ATPAF2: variants seen among roughly 807,000 people sequenced by gnomAD.
ATPAF2 encodes the protein ATP12 homolog.
In ATPAF2, 30 loss-of-function variants were observed where a neutral mutation model predicts 36.6. That is an observed-to-expected ratio of 0.82 (90% confidence interval 0.61 to 1.11). The LOEUF (loss-of-function observed/expected upper bound fraction) is 1.11, where lower values mean the gene tolerates loss of function less well. Ranked by LOEUF, ATPAF2 falls within the 50% of genes most tolerant of loss-of-function variation. ATPAF2 has a pLI of 0.00. For missense variants in ATPAF2, 321 were observed against 372.3 expected (o/e 0.86, Z 1.13); for synonymous variants, 140 against 152.6 (o/e 0.92, Z 0.61).
chr17:18,027,550 C>T (rs548296515), intron 3 of ATPAF2, among the ~76,000 whole-genome samples: 3 of 152,272 alleles, frequency 2.0e-5, no homozygotes, highest in Admixed American at 1.3e-4. Flanking sequence ...CATCTTTAAT[C>T]GGTGGGGAAT....
At position 18,024,685 on chromosome 17, in the gene ATPAF2, C is replaced by T. The variant is rs777247426; in HGVS notation, c.442G>A (p.Glu148Lys). ...TTCCTTTGAAGTTCCACTAATGTCT[C>T]GGGCTCCTCCACCCTGTAGCTAATT... is the stretch of plus-strand genomic sequence containing the variant. ...DTICYRVEEP[E>K]TLVELQRNEW... The change falls in exon 5 of 8, where the codon GAG becomes AAG. Residue 148 changes from glutamate to lysine, a missense_variant. Coordinates refer to ENST00000474627, the MANE Select transcript of ATPAF2 (RefSeq NM_145691.4). 3.7e-6 allele frequency: 6 copies of T among 1,613,820 alleles called. No homozygotes were observed. Among genetic ancestry groups the T allele is most frequent in the African/African-American group, 2.7e-5 (2 of 74,896 alleles).
At position 18,037,293 on chromosome 17, in the gene ATPAF2, A is replaced by G. The variant is rs546385755; in HGVS notation, c.133+1588T>C. ...ATCCAGCCCCCTTCCCCATTTCTAT[A>G]AAGTTATAGAACTTGGCTGGGCGCG... On this transcript the variant is annotated intron_variant, in intron 1 of 7. Transcript: ENST00000474627. 2.0e-5 allele frequency among the ~76,000 whole-genome samples: 3 copies of G among 151,950 alleles called. No homozygotes were observed. In the South Asian group the frequency reaches 6.2e-4, roughly 32 times the overall value.
chr17:18,024,278 A>G (rs114520485), intron 5 of ATPAF2, among the ~76,000 whole-genome samples: 168 of 152,334 alleles, frequency 1.1e-3, no homozygotes, highest in African/African-American at 3.7e-3. Context: ...CACACAGCTG[A>G]GTCTTCAGCA....
At position 18,039,167 on chromosome 17, in the gene ATPAF2, A is replaced by G. The variant is rs1048768948; in HGVS notation, c.-154T>C. ...TCCCTTGGACGCCGCCATCTTCCGC[A>G]TGACACCTACGGCGCGCCGTCGCCG... On this transcript the variant is annotated 5_prime_UTR_variant, in exon 1 of 8. The change abolishes an upstream ATG in the 5' untranslated region. Transcript: ENST00000474627. This position sits in a 1 kb window ranked among gnomAD's most constrained non-coding sequence, Gnocchi z 5.3. The G allele has an allele frequency of 4.4e-6, 5 of 1,133,840 alleles. No homozygotes were observed. Among genetic ancestry groups the G allele is most frequent in the South Asian group, 1.3e-5 (1 of 74,094 alleles). 70.2% of individuals were successfully genotyped at this position (1,133,840 alleles called of 1,614,324 possible). A position where few individuals can be genotyped will look rare whatever the true frequency, so the allele number is the denominator to read the frequency against.
chr17:18,026,369 CTTGT>C lies in ATPAF2; in HGVS notation c.368_371del (p.Asn123ArgfsTer4). 1 of 1,614,236 alleles carries C rather than the reference CTTGT, an allele frequency of 6.2e-7. No homozygotes were observed. Among genetic ancestry groups the C allele is most frequent in the Non-Finnish European group, 8.5e-7 (1 of 1,180,038 alleles). ...TCACGGCTGCCCGGATCAGCTGATCCTTGTTTCTCTGGGTTGGGTTGTCCAATGA... is the reference window on the plus strand; with the variant it reads ...TCACGGCTGCCCGGATCAGCTGATCCTTCTCTGGGTTGGGTTGTCCAATGA... On this transcript the variant is annotated frameshift_variant, in exon 4 of 8. Transcript: ENST00000474627. LOFTEE classifies it high-confidence loss of function.
chr17:18,019,904 G>A (rs2044444703), intron 7 of ATPAF2, among the ~76,000 whole-genome samples: 3 of 152,208 alleles, frequency 2.0e-5, no homozygotes, highest in African/African-American at 7.2e-5. Context: ...ATGATGGCCT[G>A]GCTTGGGTCC....
intron 7 of ATPAF2, among the ~76,000 whole-genome samples, chr17:18,019,187 C>CACACACACACACACACA (rs1256217214): frequency 3.5e-4 from 14 of 40,458 alleles, no homozygotes; most frequent in East Asian, 1.9e-3. Context: ...ACACACACAC[C>CACACACACACACACACA]CCACCACCCC....
At chr17:18,029,862 T>G (rs959112880) in intron 1 of ATPAF2, among the ~76,000 whole-genome samples, 2 of 104,418 alleles carry the variant, frequency 1.9e-5, no homozygotes, top group Middle Eastern at 8.5e-3. Flanking sequence ...CCCGGCCAAA[T>G]AGTTTGCCTT....
At chr17:18,026,085 C>A (rs1335989170) in intron 4 of ATPAF2, 3 of 607,026 alleles carry the variant, frequency 4.9e-6, no homozygotes, top group Non-Finnish European at 8.9e-6. Flanking sequence ...CCCTCCCAGC[C>A]TAAGGAGCAG....
downstream of ATPAF2, among the ~76,000 whole-genome samples, chr17:18,017,178 A>C (rs866886794): frequency 3.5e-3 from 408 of 114,984 alleles, 1 homozygote; most frequent in African/African-American, 0.016. Context: ...TCTCAAAAAA[A>C]AAAAAAAAAA....
chr17:18,038,166 G>A (rs1269097896), intron 1 of ATPAF2, among the ~76,000 whole-genome samples: 1 of 152,164 alleles, frequency 6.6e-6, no homozygotes, highest in African/African-American at 2.4e-5. Flanking sequence ...CGTGCCTCCT[G>A]CCTCCAGCAC....
At chr17:18,027,967 G>A in intron 3 of ATPAF2, 1 of 515,030 alleles carries the variant, frequency 1.9e-6, no homozygotes, top group Non-Finnish European at 3.5e-6. Context: ...TAAGAGAGCT[G>A]GGCAGTCAAT....
chr17:18,024,662 C>A lies in ATPAF2; in HGVS notation c.465G>T (p.Arg155Ser), dbSNP rs749028317. Residue 155 changes from arginine (R) to serine (S), a missense_variant, in exon 5 of 8, where the codon AGG (arginine) becomes AGT (serine). Physicochemically the swap from Arg to Ser is moderately radical, Grantham distance 110 (BLOSUM62 -1). Coordinates refer to ENST00000474627, the MANE Select transcript of ATPAF2 (RefSeq NM_145691.4). ...ATTCGATGATTGGATCCCACTCATT[C>A]CTTTGAAGTTCCACTAATGTCTCGG... is the stretch of plus-strand genomic sequence containing the variant. ...EEPETLVELQRNEWDPIIEWA... is the reference protein window; with the variant it reads ...EEPETLVELQSNEWDPIIEWA... 1 of 1,613,976 alleles carries A rather than the reference C, an allele frequency of 6.2e-7. No individual in the cohort carries two copies. Among genetic ancestry groups the A allele is most frequent in the Non-Finnish European group, 8.5e-7 (1 of 1,180,012 alleles).
chr17:18,028,906 C>T (rs1466284741), intron 1 of ATPAF2, among the ~76,000 whole-genome samples: 3 of 152,150 alleles, frequency 2.0e-5, no homozygotes, highest in East Asian at 1.9e-4. Flanking sequence ...CTGCCAGCCC[C>T]GCAGCCTGGG....
Position 18,018,630 on chromosome 17 carries a change from C to G in ATPAF2, c.789G>C (p.Arg263=), listed in dbSNP as rs1448647270. The change falls in exon 8 of 8, where the codon CGG becomes CGC. Residue 263 remains arginine, a synonymous_variant. Transcript: ENST00000474627. ...WAHDYELQEL[R]ARTAAGTLFI... Reference sequence around the variant, plus strand: ...AGAGGGTGCCGGCGGCGGTGCGGGCCCGCAGCTCCTGCAGCTCATAGTCAT... The same window carrying G: ...AGAGGGTGCCGGCGGCGGTGCGGGCGCGCAGCTCCTGCAGCTCATAGTCAT... The G allele has an allele frequency of 1.9e-6, 3 of 1,613,942 alleles. No homozygotes were observed. Among genetic ancestry groups the G allele is most frequent in the African/African-American group, 2.7e-5 (2 of 74,928 alleles).
downstream of ATPAF2, chr17:18,016,868 ACT>A (rs2044383120): frequency 2.5e-6 from 1 of 398,486 alleles, no homozygotes; most frequent in African/African-American, 2.8e-5. Context: ...CATTTCCCCT[ACT>A]CATAAAAAAA....
chr17:18,035,484 T>C (rs2044690602), intron 1 of ATPAF2, among the ~76,000 whole-genome samples: 1 of 152,202 alleles, frequency 6.6e-6, no homozygotes, highest in Non-Finnish European at 1.5e-5. Context: ...ATTCTGTAAA[T>C]ATACTAAAAA....
At position 18,026,386 on chromosome 17, in the gene ATPAF2, GGTT is replaced by G. The variant is rs2044546041; in HGVS notation, c.352_354del (p.Asn118del). The G allele has an allele frequency of 6.2e-7, 1 of 1,614,212 alleles. No homozygotes were observed. The highest frequency in any genetic ancestry group is 2.2e-5 in the East Asian group (1 of 44,886). On this transcript the variant is annotated inframe_deletion, in exon 4 of 8. Transcript: ENST00000474627. ...AGCTGATCCTTGTTTCTCTGGGTTGGGTTGTCCAATGATGTGTTGCACAATGTG... is the reference window on the plus strand; with the variant it reads ...AGCTGATCCTTGTTTCTCTGGGTTGGGTCCAATGATGTGTTGCACAATGTG...
At chr17:18,016,301 G>A, downstream of ATPAF2, 7 of 1,251,742 alleles carry the variant, frequency 5.6e-6, no homozygotes, top group Non-Finnish European at 8.0e-6. Context: ...ATGAAATGAA[G>A]GAAGAAATAA....
Sources: allele counts gnomAD v4.1 joint callset (sites outside exome capture counted in the v4.1 genomes callset), GRCh38; gene constraint gnomAD v4.1.1; non-coding constraint Gnocchi (gnomAD v3.1); transcripts MANE v1.5; gene names NCBI Gene and HGNC (gene_info 2026-07-23, HGNC 2026-07-21).